Variants in AHI1 observed in about 807,000 individuals in gnomAD.
AHI1 encodes Abelson helper integration site 1.
In AHI1, 123 loss-of-function variants were observed where a neutral mutation model predicts 149.3. The observed-to-expected ratio is 0.82, with a 90% confidence interval of 0.71 to 0.96. The LOEUF is 0.96. Ranked by LOEUF, AHI1 falls within the 40% of genes least tolerant of loss-of-function variation. The pLI, the probability that AHI1 is intolerant of heterozygous loss-of-function variation, is 0.00. For synonymous variants in AHI1, 475 were observed against 459.8 expected (o/e 1.03, Z -0.42); for missense variants, 1,439 against 1,422.7 (o/e 1.01, Z -0.18).
At chr6:135,359,378 TGAAGAATTACCACA>T (rs1268876986) in intron 23 of AHI1, among the ~76,000 whole-genome samples, 5 of 152,218 alleles carry the variant, frequency 3.3e-5, no homozygotes, top group African/African-American at 1.2e-4. Flanking sequence ...TATCCTTTTC[TGAAGAATTACCACA>T]GAGCAAATGA....
At chr6:135,294,698 C>CAAAAAAAAAAAAAAAAAAAAAAAAA (rs56734547) in intron 27 of AHI1, among the ~76,000 whole-genome samples, 4 of 68,006 alleles carry the variant, frequency 5.9e-5, no homozygotes, top group South Asian at 6.6e-4. Context: ...TCTCCAAATG[C>CAAAAAAAAAAAAAAAAAAAAAAAAA]AAAAAAAAAA....
In AHI1 at chr6:135,290,388, A is replaced by G. The variant is rs749425641; in HGVS notation, c.3588+35T>C. 4 of 1,234,130 alleles carry G rather than the reference A, an allele frequency of 3.2e-6. No homozygotes were observed. In the South Asian group the frequency reaches 4.8e-5, roughly 15 times the overall value. 76.4% of individuals were successfully genotyped at this position (1,234,130 alleles called of 1,614,324 possible). On this transcript the variant is annotated intron_variant, in intron 28 of 28. Coordinates refer to ENST00000265602, the MANE Select transcript of AHI1 (RefSeq NM_001134831.2). Reference sequence around the variant, plus strand: ...CTTTCCTAAATCTTTTCCTGTTGACAACATAGCGCAACTTTCTATTGGTTT... The same window carrying G: ...CTTTCCTAAATCTTTTCCTGTTGACGACATAGCGCAACTTTCTATTGGTTT...
chr6:135,360,273 A>C (rs1793654040), intron 23 of AHI1, among the ~76,000 whole-genome samples: 1 of 152,212 alleles, frequency 6.6e-6, no homozygotes, highest in Non-Finnish European at 1.5e-5. Flanking sequence ...GTACCCAGAT[A>C]CTTGATCAAA....
chr6:135,357,593 C>T (rs986130651), intron 24 of AHI1, among the ~76,000 whole-genome samples: 1 of 152,178 alleles, frequency 6.6e-6, no homozygotes, highest in Non-Finnish European at 1.5e-5. Flanking sequence ...AGGGAATGTA[C>T]AGTGTACTCT....
rs1782479304 is a variant in AHI1 at position 135,417,025 on chromosome 6, G to A, written c.2765-5481C>T. On this transcript the variant is annotated intron_variant, in intron 20 of 28. Coordinates refer to ENST00000265602, the MANE Select transcript of AHI1 (RefSeq NM_001134831.2). ...CACTTATTACCCTCAACTATTCAAA[G>A]ACTGCTTACAGAACAAGAGAAACTT... is the stretch of plus-strand genomic sequence containing the variant. Among the ~76,000 whole-genome samples the A allele has an allele frequency of 3.3e-5, 5 of 151,992 alleles. No individual in the cohort carries two copies. In the South Asian group the frequency reaches 1.0e-3, roughly 32 times the overall value.
At chr6:135,455,978 A>G (rs1282003875) in intron 9 of AHI1, 52 bp from the exon 10 acceptor site, 20 of 1,245,562 alleles carry the variant, frequency 1.6e-5, no homozygotes, top group Admixed American at 3.2e-5. Flanking sequence ...TTTTGAGGTG[A>G]GAAAAAAATA....
chr6:135,444,128 T>C (rs963947341), intron 13 of AHI1, among the ~76,000 whole-genome samples: 2 of 152,202 alleles, frequency 1.3e-5, no homozygotes, highest in Non-Finnish European at 2.9e-5. Context: ...TACTACCTTG[T>C]CAGTCACTAA....
chr6:135,325,688 C>T (rs1787561834), intron 24 of AHI1, among the ~76,000 whole-genome samples: 1 of 152,216 alleles, frequency 6.6e-6, no homozygotes, highest in Non-Finnish European at 1.5e-5. Context: ...TCCCTTCTTT[C>T]TTTCTCTTCC....
intron 3 of AHI1, chr6:135,495,422 T>G (rs1466566903): frequency 1.3e-5 from 2 of 152,240 alleles, no homozygotes; most frequent in Admixed American, 1.3e-4. Context: ...CTCTTGCTTT[T>G]GTATCATTAC....
intron 20 of AHI1, among the ~76,000 whole-genome samples, chr6:135,413,491 C>A (rs74556523): frequency 6.8e-6 from 1 of 147,956 alleles, no homozygotes; most frequent in Admixed American, 6.7e-5. Flanking sequence ...AAAAAAAAAA[C>A]TGTCTTTGCA....
chr6:135,374,523 A>C (rs1044931614), intron 23 of AHI1, among the ~76,000 whole-genome samples: 1 of 152,124 alleles, frequency 6.6e-6, no homozygotes, highest in Non-Finnish European at 1.5e-5. Context: ...TTTTATATCT[A>C]GTAAGTCCAA....
intron 23 of AHI1, among the ~76,000 whole-genome samples, chr6:135,382,917 AAAAAAAAAAAT>A (rs1446941012): frequency 2.8e-5 from 3 of 106,830 alleles, no homozygotes; most frequent in Admixed American, 1.0e-4. Context: ...AAAAAAAAAA[AAAAAAAAAAAT>A]ATATATATAT....
chr6:135,346,171 G>A (rs903147218), intron 24 of AHI1, among the ~76,000 whole-genome samples: 2 of 152,012 alleles, frequency 1.3e-5, no homozygotes, highest in African/African-American at 4.8e-5. Flanking sequence ...GAGTTTTACT[G>A]AGCTGTGCTT....
Position 135,283,696 on chromosome 6 carries a change from T to A in AHI1, c.*1949A>T, listed in dbSNP as rs1311811394. On this transcript the variant is annotated 3_prime_UTR_variant, in exon 29 of 29. Transcript: ENST00000265602. Reference sequence around the variant, plus strand: ...GGTAAAGAAACATCTTTTATTAATCTATTCATGAACATAACCCTAGTCTTA... The same window carrying A: ...GGTAAAGAAACATCTTTTATTAATCAATTCATGAACATAACCCTAGTCTTA... 2.6e-5 allele frequency: 4 copies of A among 152,172 alleles called. No homozygotes were observed. Among genetic ancestry groups the A allele is most frequent in the Non-Finnish European group, 4.4e-5 (3 of 68,020 alleles). The allele number at this position is 152,172 out of a possible 1,614,324, so 9.4% of individuals were successfully genotyped here. A position where few individuals can be genotyped will look rare whatever the true frequency, so the allele number is the denominator to read the frequency against.
intron 25 of AHI1, among the ~76,000 whole-genome samples, chr6:135,321,829 G>A (rs1292673672): frequency 6.6e-6 from 1 of 151,988 alleles, no homozygotes; most frequent in African/African-American, 2.4e-5. Flanking sequence ...TTGAGACAGA[G>A]TTTTGCTCTG....
intron 22 of AHI1, among the ~76,000 whole-genome samples, chr6:135,397,533 T>G (rs530470261): frequency 6.6e-6 from 1 of 152,148 alleles, no homozygotes; most frequent in Admixed American, 6.5e-5. Flanking sequence ...AAAAATCATC[T>G]GGAACTTCTG....
At chr6:135,406,062 T>C (rs1032866731) in intron 21 of AHI1, among the ~76,000 whole-genome samples, 3 of 152,080 alleles carry the variant, frequency 2.0e-5, no homozygotes, top group African/African-American at 4.8e-5. Context: ...AGCATTACCA[T>C]TTAGTCATAA....
chr6:135,478,999 C>G (rs1562269345), intron 5 of AHI1, among the ~76,000 whole-genome samples: 2 of 152,262 alleles, frequency 1.3e-5, no homozygotes, highest in Non-Finnish European at 2.9e-5. Flanking sequence ...GGTATTGAGC[C>G]TGTGGGTGTG....
At chr6:135,424,817 AT>A (rs1004188137) in intron 20 of AHI1, among the ~76,000 whole-genome samples, 2 of 151,710 alleles carry the variant, frequency 1.3e-5, no homozygotes, top group Non-Finnish European at 2.9e-5. Context: ...TTATCTGATA[AT>A]TTTTTTTAAA....
Sources: allele counts gnomAD v4.1 joint callset (sites outside exome capture counted in the v4.1 genomes callset), GRCh38; gene constraint gnomAD v4.1.1; transcripts MANE v1.5; gene names NCBI Gene and HGNC (gene_info 2026-07-23, HGNC 2026-07-21).